METTL16: variants seen among roughly 807,000 people sequenced by gnomAD.
METTL16 encodes the protein RNA N(6)-adenosine-methyltransferase METTL16.
In METTL16, 19 loss-of-function variants were observed where a neutral mutation model predicts 57.9. The ratio of observed to expected loss-of-function variants is 0.33; its 90% CI spans 0.23 to 0.48. The LOEUF (loss-of-function observed/expected upper bound fraction) is 0.48. METTL16 is among the 20% of genes least tolerant of loss of function. METTL16 has a pLI of 0.99. For missense variants in METTL16, 434 were observed against 691.5 expected, an observed-to-expected ratio of 0.63 and a Z score of 4.18; for synonymous variants, 246 against 255.6, an observed-to-expected ratio of 0.96 and a Z score of 0.36.
intron 6 of METTL16, among the ~76,000 whole-genome samples, chr17:2,457,375 C>T (rs944161203): frequency 5.6e-5 from 7 of 125,898 alleles, no homozygotes; most frequent in Non-Finnish European, 8.2e-5. Context: ...CATTATCTAA[C>T]ATTTATACTA....
chr17:2,508,005 T>A (rs181560675), intron 1 of METTL16, among the ~76,000 whole-genome samples: 1 of 152,118 alleles, frequency 6.6e-6, no homozygotes, highest in African/African-American at 2.4e-5. Context: ...GCCGCAGGGT[T>A]CTCTGCCTAG....
intron 5 of METTL16, among the ~76,000 whole-genome samples, chr17:2,467,223 C>T (rs1025230868): frequency 1.3e-5 from 2 of 152,116 alleles, no homozygotes; most frequent in Non-Finnish European, 2.9e-5. Context: ...TGGTATACAG[C>T]TTTCAAAAGC....
chr17:2,428,924 T>A (rs2066847404), intron 8 of METTL16, among the ~76,000 whole-genome samples: 1 of 152,082 alleles, frequency 6.6e-6, no homozygotes, highest in Admixed American at 6.6e-5. Context: ...AGTGGCACAA[T>A]CTCGGCTCAC....
At chr17:2,424,784 T>A (rs1007032849) in intron 8 of METTL16, among the ~76,000 whole-genome samples, 3 of 151,778 alleles carry the variant, frequency 2.0e-5, no homozygotes, top group African/African-American at 7.3e-5. Flanking sequence ...CCATCTCTAC[T>A]AAAAATACAA....
intron 2 of METTL16, among the ~76,000 whole-genome samples, chr17:2,491,707 C>G (rs1259598560): frequency 6.6e-6 from 1 of 150,438 alleles, no homozygotes; most frequent in Non-Finnish European, 1.5e-5. Flanking sequence ...AACCCCGTCT[C>G]TATTAAAAAT....
chr17:2,451,689 C>G (rs763537630), intron 6 of METTL16, among the ~76,000 whole-genome samples: 5 of 151,540 alleles, frequency 3.3e-5, no homozygotes, highest in Non-Finnish European at 7.4e-5. Context: ...AATTTAAAGC[C>G]TTGGGTATAT....
intron 2 of METTL16, among the ~76,000 whole-genome samples, chr17:2,490,260 TAA>T (rs1429521581): frequency 6.6e-6 from 1 of 152,166 alleles, no homozygotes; most frequent in Non-Finnish European, 1.5e-5. Flanking sequence ...ACTAAATATG[TAA>T]ACTCTCTTCA....
At chr17:2,471,004 T>C (rs956816731) in intron 4 of METTL16, among the ~76,000 whole-genome samples, 3 of 152,198 alleles carry the variant, frequency 2.0e-5, no homozygotes, top group African/African-American at 4.8e-5. Flanking sequence ...AGTATGTTTT[T>C]AGTGAATGAA....
chr17:2,437,570 G>A (rs777487403), intron 8 of METTL16, among the ~76,000 whole-genome samples: 17 of 152,074 alleles, frequency 1.1e-4, no homozygotes, highest in Non-Finnish European at 2.1e-4. Flanking sequence ...TAATATTTTT[G>A]AGACAGAGTC....
chr17:2,421,608 ATTAT>A (rs2066766452), intron 8 of METTL16, among the ~76,000 whole-genome samples: 1 of 152,174 alleles, frequency 6.6e-6, no homozygotes, highest in Non-Finnish European at 1.5e-5. Context: ...GACCTGCACA[ATTAT>A]TTATTTCATG....
At chr17:2,464,130 C>T in intron 6 of METTL16, 78 bp downstream of exon 6, 1 of 1,447,228 alleles carries the variant, frequency 6.9e-7, no homozygotes, top group South Asian at 1.4e-5. Flanking sequence ...CCCCCGCCAC[C>T]AAAAAAAAGA....
At position 2,460,676 on chromosome 17, in the gene METTL16, G is replaced by A. The variant is rs33997334; in HGVS notation, c.728+3532C>T. 2.6e-3 allele frequency among the ~76,000 whole-genome samples: 399 copies of A among 151,946 alleles called. 1 individual carries two copies. The highest frequency in any genetic ancestry group is 8.9e-3 in the South Asian group (43 of 4,812). ...CAAGGCGGGTGGATCACCTGAGGTC[G>A]GGAGTTCAAGACCAGCCTGACCAAC... On this transcript the variant is annotated intron_variant, in intron 6 of 9. Transcript: ENST00000263092.
At chr17:2,470,709 G>A (rs1056814735) in intron 4 of METTL16, among the ~76,000 whole-genome samples, 1 of 152,182 alleles carries the variant, frequency 6.6e-6, no homozygotes, top group East Asian at 1.9e-4. Flanking sequence ...TACTCACAAG[G>A]CTGAGGCTGG....
At chr17:2,462,705 C>T (rs371181771) in intron 6 of METTL16, among the ~76,000 whole-genome samples, 10 of 152,118 alleles carry the variant, frequency 6.6e-5, no homozygotes, top group East Asian at 3.8e-4. Context: ...CATGATTGTA[C>T]GTTTCCTGAG....
At chr17:2,457,841 A>G (rs2067122713) in intron 6 of METTL16, among the ~76,000 whole-genome samples, 1 of 152,174 alleles carries the variant, frequency 6.6e-6, no homozygotes, top group Admixed American at 6.5e-5. Context: ...CCAATGATAA[A>G]TCAAAATTTC....
intron 8 of METTL16, among the ~76,000 whole-genome samples, chr17:2,435,765 C>G (rs2066904625): frequency 9.4e-6 from 1 of 106,574 alleles, no homozygotes; most frequent in South Asian, 3.3e-4. Flanking sequence ...CGGCTTGGGG[C>G]TGGGGTAGTG....
chr17:2,509,846 G>A (rs1227407200), intron 1 of METTL16, among the ~76,000 whole-genome samples: 21 of 151,720 alleles, frequency 1.4e-4, no homozygotes, highest in Admixed American at 1.1e-3. Context: ...TCAGGAGGCC[G>A]AAGTTGCAGT....
chr17:2,493,368 C>CATG (rs1555621151), intron 2 of METTL16, among the ~76,000 whole-genome samples: 3 of 150,718 alleles, frequency 2.0e-5, no homozygotes, highest in African/African-American at 4.9e-5. Context: ...GAATTACAGG[C>CATG]AGCCACCACA....
At chr17:2,425,208 G>GT (rs2066809651) in intron 8 of METTL16, among the ~76,000 whole-genome samples, 1 of 152,194 alleles carries the variant, frequency 6.6e-6, no homozygotes, top group Non-Finnish European at 1.5e-5. Flanking sequence ...GAAGCTGTCA[G>GT]TTTTTCCCCA....
Sources: gnomAD v4.1 joint callset for allele counts (sites outside exome capture counted in the v4.1 genomes callset) on GRCh38, gnomAD v4.1.1 for gene constraint, MANE v1.5 for transcripts, NCBI Gene and HGNC (gene_info 2026-07-23, HGNC 2026-07-21) for gene names.